HIVEP3: variants seen among roughly 807,000 people sequenced by gnomAD.
HIVEP3 encodes the protein transcription factor HIVEP3.
HIVEP3 carries 49 observed loss-of-function variants against 152.8 expected under a neutral mutation model. The observed-to-expected ratio is 0.32, with a 90% confidence interval of 0.26 to 0.41. HIVEP3 has a LOEUF of 0.41. Among genes scored for constraint, HIVEP3 ranks in the 10% least tolerant of loss-of-function variants. The probability of loss-of-function intolerance (pLI) is 1.00; values close to 1 mark genes in which losing one functional copy is unlikely to be tolerated. For synonymous variants in HIVEP3, 1,269 were observed against 1,289.0 expected (o/e 0.98, Z 0.33); for missense variants, 2,790 against 3,103.3 (o/e 0.90, Z 2.40).
chr1:41,561,128 C>A (rs1248708095), intron 5 of HIVEP3, among the ~76,000 whole-genome samples: 2 of 152,194 alleles, frequency 1.3e-5, no homozygotes, highest in Non-Finnish European at 2.9e-5. Flanking sequence ...AAAGACCCTG[C>A]ACATTCACAT....
chr1:41,577,527 G>A (rs1205223484), intron 4 of HIVEP3, among the ~76,000 whole-genome samples: 1 of 152,160 alleles, frequency 6.6e-6, no homozygotes. Context: ...AAAGAATGTG[G>A]CTACAAAGTG....
At chr1:41,778,395 C>A (rs181434771) in intron 1 of HIVEP3, among the ~76,000 whole-genome samples, 1 of 152,292 alleles carries the variant, frequency 6.6e-6, no homozygotes. Flanking sequence ...ATGAGCCTGC[C>A]CGGCTTGGCA....
chr1:41,575,490 G>A (rs752431287), intron 5 of HIVEP3, 54 bp downstream of exon 5: 131 of 1,588,638 alleles, frequency 8.2e-5, no homozygotes, highest in Non-Finnish European at 1.1e-4. Flanking sequence ...ACACCAATGG[G>A]CACCAGCTCT....
chr1:42,032,527 T>C (rs1348233435), intron 1 of HIVEP3, among the ~76,000 whole-genome samples: 1 of 152,224 alleles, frequency 6.6e-6, no homozygotes, highest in African/African-American at 2.4e-5. Context: ...AGGTCTTGCA[T>C]TAGCCACGGT....
At chr1:41,546,503 T>C (rs1643807549) in intron 5 of HIVEP3, among the ~76,000 whole-genome samples, 1 of 152,148 alleles carries the variant, frequency 6.6e-6, no homozygotes, top group Middle Eastern at 3.2e-3. Flanking sequence ...AGTTTCTAAG[T>C]GAGGAGCCCC....
At chr1:41,611,945 T>C (rs1262709569) in intron 3 of HIVEP3, among the ~76,000 whole-genome samples, 1 of 152,182 alleles carries the variant, frequency 6.6e-6, no homozygotes, top group Non-Finnish European at 1.5e-5. Context: ...TGACTAGGTC[T>C]GTGAAGATAT....
chr1:41,701,670 T>A (rs1196868692), intron 1 of HIVEP3, among the ~76,000 whole-genome samples: 1 of 152,274 alleles, frequency 6.6e-6, no homozygotes, highest in Non-Finnish European at 1.5e-5. Context: ...GGTAACTGTA[T>A]ACCTATTATC....
At chr1:41,984,442 A>G (rs767284021) in intron 1 of HIVEP3, among the ~76,000 whole-genome samples, 8 of 152,242 alleles carry the variant, frequency 5.3e-5, no homozygotes, top group Non-Finnish European at 8.8e-5. Flanking sequence ...CAAAGTTGAC[A>G]TGATAGCCCT....
intron 1 of HIVEP3, among the ~76,000 whole-genome samples, chr1:41,949,877 C>T (rs1002387974): frequency 1.3e-5 from 2 of 152,152 alleles, no homozygotes; most frequent in Admixed American, 1.3e-4. Context: ...AGGCACCCCT[C>T]CTGAGGAAAT....
chr1:41,617,347 C>T (rs183840612), intron 3 of HIVEP3, among the ~76,000 whole-genome samples: 86 of 152,290 alleles, frequency 5.6e-4, no homozygotes, highest in Middle Eastern at 3.4e-3. Context: ...TTTGGGCCAT[C>T]GTCCTAATAA....
At position 41,514,868 on chromosome 1, in the gene HIVEP3, G is replaced by A. The variant is rs192152644; in HGVS notation, c.5471-1118C>T. Among the ~76,000 whole-genome samples, 16 of 152,368 alleles carry A rather than the reference G, an allele frequency of 1.1e-4. No homozygotes were observed. The East Asian group carries it at 2.9e-3, about 28-fold the overall frequency. On this transcript the variant is annotated intron_variant, in intron 7 of 8. Transcript: ENST00000372583. ...AATAATGACAGAGTTATTGAATAGA[G>A]TCTAAAAGTGGGGGTTAGGGCTCTG...
chr1:41,991,670 C>G (rs1286307252), intron 1 of HIVEP3, among the ~76,000 whole-genome samples: 1 of 151,972 alleles, frequency 6.6e-6, no homozygotes, highest in East Asian at 1.9e-4. Context: ...CATTCTGATA[C>G]CAAAGCCTGG....
At chr1:41,633,604 A>G (rs139063546) in intron 2 of HIVEP3, among the ~76,000 whole-genome samples, 87 of 152,276 alleles carry the variant, frequency 5.7e-4, no homozygotes, top group Middle Eastern at 3.4e-3. Context: ...TGTTCATCAC[A>G]GAAACCTCCT....
At position 41,669,888 on chromosome 1, in the gene HIVEP3, T is replaced by C. The variant is rs191274965; in HGVS notation, c.-721+31028A>G. The stretch of plus-strand genomic sequence containing the variant: ...TTTATCTCTATGCCTATCATATTGA[T>C]TTTGGTTCTCTAGAGAACCCTTATA... On this transcript the variant is annotated intron_variant, in intron 2 of 8. Coordinates refer to ENST00000372583, the MANE Select transcript of HIVEP3 (RefSeq NM_024503.5). Among the ~76,000 whole-genome samples, 362 of 152,348 alleles carry C rather than the reference T, an allele frequency of 2.4e-3. 1 individual carries two copies. Among genetic ancestry groups the C allele is most frequent in the Non-Finnish European group, 4.2e-3 (288 of 68,030 alleles).
intron 1 of HIVEP3, among the ~76,000 whole-genome samples, chr1:42,024,184 G>A (rs1645569912): frequency 6.6e-6 from 1 of 152,050 alleles, no homozygotes; most frequent in Admixed American, 6.6e-5. Flanking sequence ...CTTCCTCTTT[G>A]TGGTTCTGTC....
At chr1:41,906,747 C>A (rs1027711665) in intron 1 of HIVEP3, among the ~76,000 whole-genome samples, 1 of 152,018 alleles carries the variant, frequency 6.6e-6, no homozygotes, top group African/African-American at 2.4e-5. Context: ...CAAAAGTGAA[C>A]TGTGCTATGC....
chr1:41,685,223 A>G (rs1367396183), intron 2 of HIVEP3, among the ~76,000 whole-genome samples: 2 of 152,128 alleles, frequency 1.3e-5, no homozygotes, highest in Non-Finnish European at 2.9e-5. Context: ...TACTCCCCCA[A>G]ACAGAAATGC....
chr1:41,625,877 C>A (rs970284874), intron 3 of HIVEP3, among the ~76,000 whole-genome samples: 1 of 152,140 alleles, frequency 6.6e-6, no homozygotes, highest in Non-Finnish European at 1.5e-5. Flanking sequence ...ATAATGTATT[C>A]ATAAACCATC....
chr1:41,698,877 G>C, intron 2 of HIVEP3, among the ~76,000 whole-genome samples: 1 of 152,252 alleles, frequency 6.6e-6, no homozygotes, highest in African/African-American at 2.4e-5. Flanking sequence ...CTGTTCCTTT[G>C]TCTATGTGTC....
Sources: allele counts gnomAD v4.1 joint callset (sites outside exome capture counted in the v4.1 genomes callset), GRCh38; gene constraint gnomAD v4.1.1; transcripts MANE v1.5; gene names NCBI Gene and HGNC (gene_info 2026-07-23, HGNC 2026-07-21).